The following MTURN variants were observed in gnomAD, a reference collection of about 807,000 sequenced individuals.
MTURN encodes maturin, neural progenitor differentiation regulator homolog, also known as maturin.
In MTURN, 7 loss-of-function variants were observed where a neutral mutation model predicts 14.9. That is an observed-to-expected ratio of 0.47 (90% CI 0.27 to 0.88). The LOEUF (loss-of-function observed/expected upper bound fraction) is 0.88. Among genes scored for constraint, MTURN ranks in the 40% least tolerant of loss-of-function variants. The pLI, the probability that MTURN is intolerant of heterozygous loss-of-function variation, is 0.14. For synonymous variants in MTURN, 69 were observed against 72.5 expected (o/e 0.95, Z 0.25); for missense variants, 151 against 174.1 (o/e 0.87, Z 0.75).
chr7:30,143,415 G>A (rs577677737), intron 1 of MTURN, among the ~76,000 whole-genome samples: 7 of 144,904 alleles, frequency 4.8e-5, no homozygotes, highest in African/African-American at 1.3e-4. Context: ...CTTGTATCTC[G>A]TGATACCTTG....
Position 30,157,542 on chromosome 7 carries a change from G to A in MTURN, c.390G>A (p.Gln130=). Residue 130 remains glutamine (Q), a synonymous_variant, in exon 3 of 3, where the codon CAG becomes CAA. Coordinates refer to ENST00000324453, the MANE Select transcript of MTURN (RefSeq NM_152793.3). ...EADHPQMGVS[Q]Q is the part of the protein sequence containing the mutation. ...ACCACCCCCAGATGGGGGTCAGCCA[G>A]CAGTAAATCTGGGGGCTCCCCTGAG... 2 of 1,598,614 alleles carry A rather than the reference G, an allele frequency of 1.3e-6. No homozygotes were observed. Among genetic ancestry groups the A allele is most frequent in the South Asian group, 1.1e-5 (1 of 88,856 alleles).
intron 1 of MTURN, among the ~76,000 whole-genome samples, chr7:30,136,606 G>A (rs972086140): frequency 6.6e-6 from 1 of 152,044 alleles, no homozygotes; most frequent in Non-Finnish European, 1.5e-5. Flanking sequence ...AGAGGTGAAG[G>A]CTTATGTATG....
chr7:30,150,032 A>T lies in MTURN; in HGVS notation c.285+3733A>T, dbSNP rs547547305. 4.6e-5 allele frequency among the ~76,000 whole-genome samples: 7 copies of T among 152,382 alleles called. No homozygotes were observed. The East Asian group carries it at 1.3e-3, about 29-fold the overall frequency. ...GTCTGTTGTCAGGCTACCCGGATTT[A>T]AGTCTCAGTTCTACCACTTGCTGGC... is the stretch of plus-strand genomic sequence containing the variant. On this transcript the variant is annotated intron_variant, in intron 2 of 2. Coordinates refer to ENST00000324453, the MANE Select transcript of MTURN (RefSeq NM_152793.3).
rs544100059 is a variant in MTURN, at chr7:30,154,129, G to A, written c.286-3309G>A. The stretch of plus-strand genomic sequence containing the variant: ...TTACCGTACTGACATACAGGGGAGA[G>A]AGTCCAGCAGCAGGGGCTGGGCAGG... On this transcript the variant is annotated intron_variant, in intron 2 of 2. Transcript: ENST00000324453. Among the ~76,000 whole-genome samples, 12 of 152,284 alleles carry A rather than the reference G, an allele frequency of 7.9e-5. No individual in the cohort carries two copies. The East Asian group carries it at 2.3e-3, about 29-fold the overall frequency.
intron 1 of MTURN, 190 bp from the exon 2 acceptor site, chr7:30,145,987 A>T: frequency 6.4e-7 from 1 of 1,550,660 alleles, no homozygotes; most frequent in Non-Finnish European, 8.7e-7. Context: ...GGGGGCTTCT[A>T]TAGATTAGAC....
intron 1 of MTURN, among the ~76,000 whole-genome samples, chr7:30,144,702 T>G (rs142781113): frequency 6.6e-6 from 1 of 152,268 alleles, no homozygotes; most frequent in East Asian, 1.9e-4. Flanking sequence ...TGGCACCTAG[T>G]TATTCTCATT....
intron 2 of MTURN, among the ~76,000 whole-genome samples, chr7:30,150,178 A>G (rs192062130): frequency 6.6e-6 from 1 of 152,260 alleles, no homozygotes; most frequent in Admixed American, 6.5e-5. Context: ...TTTGTTGGGT[A>G]CTCAGTGCAG....
At chr7:30,144,821 T>C (rs1797104810) in intron 1 of MTURN, among the ~76,000 whole-genome samples, 3 of 152,086 alleles carry the variant, frequency 2.0e-5, no homozygotes, top group African/African-American at 7.2e-5. Flanking sequence ...GGGGCCAGTG[T>C]GTGCTTGGCA....
chr7:30,152,154 CT>C (rs199867190), intron 2 of MTURN, among the ~76,000 whole-genome samples: 39,933 of 147,750 alleles, frequency 0.27, 5,616 homozygotes, highest in African/African-American at 0.38. Context: ...TTCTTTTTTC[CT>C]TTTTTTTTTT....
intron 1 of MTURN, among the ~76,000 whole-genome samples, chr7:30,136,992 G>C (rs1359737914): frequency 6.6e-6 from 1 of 152,130 alleles, no homozygotes; most frequent in Non-Finnish European, 1.5e-5. Flanking sequence ...CTCCAGAAGA[G>C]CCAACTGAAC....
intron 1 of MTURN, among the ~76,000 whole-genome samples, chr7:30,136,783 T>C (rs1796970207): frequency 6.6e-6 from 1 of 152,090 alleles, no homozygotes; most frequent in Non-Finnish European, 1.5e-5. Context: ...TGAGCTCAGT[T>C]TCCACATCCA....
At chr7:30,141,981 C>T (rs1797059158) in intron 1 of MTURN, among the ~76,000 whole-genome samples, 1 of 152,132 alleles carries the variant, frequency 6.6e-6, no homozygotes, top group Non-Finnish European at 1.5e-5. Context: ...CCCCTGCCAC[C>T]CCCACCCTGC....
At chr7:30,151,814 G>A (rs1797217340) in intron 2 of MTURN, among the ~76,000 whole-genome samples, 1 of 152,178 alleles carries the variant, frequency 6.6e-6, no homozygotes. Flanking sequence ...TGGGCTTGCT[G>A]TGTGACTCTG....
At chr7:30,150,724 G>T (rs62447375) in intron 2 of MTURN, among the ~76,000 whole-genome samples, 21,148 of 152,236 alleles carry the variant, frequency 0.14, 1,777 homozygotes, top group Admixed American at 0.19. Context: ...GGACCTAGAC[G>T]TGCTCAGAGC....
rs1302481272 is a variant in MTURN, at chr7:30,135,078, G to A, written c.-59G>A. ...GCCGAGCGCCGCGCTGCCCGCCCGGGAGGAGGGCGCCTAGGAGCGGGAGGG... is the reference window on the plus strand; with the variant it reads ...GCCGAGCGCCGCGCTGCCCGCCCGGAAGGAGGGCGCCTAGGAGCGGGAGGG... On this transcript the variant is annotated 5_prime_UTR_variant, in exon 1 of 3. Transcript: ENST00000324453. 3 of 1,308,538 alleles carry A rather than the reference G, an allele frequency of 2.3e-6. No individual in the cohort carries two copies. Among genetic ancestry groups the A allele is most frequent in the African/African-American group, 1.6e-5 (1 of 63,382 alleles). The allele number at this position is 1,308,538 out of a possible 1,614,324, so 81.1% of individuals were successfully genotyped here.
chr7:30,151,621 A>G (rs1033004069), intron 2 of MTURN, among the ~76,000 whole-genome samples: 1 of 152,336 alleles, frequency 6.6e-6, no homozygotes, highest in Admixed American at 6.5e-5. Context: ...GGGCTTAACA[A>G]GGAACTATTG....
chr7:30,146,529 C>G (rs1294678010), intron 2 of MTURN, among the ~76,000 whole-genome samples: 1 of 151,442 alleles, frequency 6.6e-6, no homozygotes, highest in Non-Finnish European at 1.5e-5. Context: ...TCTAGCATCA[C>G]TTGAGTTGAG....
Position 30,157,801 on chromosome 7 carries a change from A to G in MTURN, c.*253A>G, listed in dbSNP as rs1797310073. Reference sequence around the variant, plus strand: ...GTCTTGGTAGCCTTTGCCATTTTGAATTTAGAGTCCATTTTGTGGCTGACT... The same window carrying G: ...GTCTTGGTAGCCTTTGCCATTTTGAGTTTAGAGTCCATTTTGTGGCTGACT... On this transcript the variant is annotated 3_prime_UTR_variant, in exon 3 of 3. Coordinates refer to ENST00000324453, the MANE Select transcript of MTURN (RefSeq NM_152793.3). 4.3e-6 allele frequency: 1 copy of G among 235,060 alleles called. No homozygotes were observed. Among genetic ancestry groups the G allele is most frequent in the Non-Finnish European group, 8.3e-6 (1 of 120,598 alleles). 14.6% of individuals were successfully genotyped at this position (235,060 alleles called of 1,614,324 possible).
chr7:30,157,362 C>G (rs961319112), intron 2 of MTURN, 76 bp from the exon 3 acceptor site: 1 of 1,259,098 alleles, frequency 7.9e-7, no homozygotes, highest in Non-Finnish European at 1.1e-6. Flanking sequence ...AATGTGGATC[C>G]GATGCCTTTG....
Sources: gnomAD v4.1 joint callset for allele counts (sites outside exome capture counted in the v4.1 genomes callset) on GRCh38, gnomAD v4.1.1 for gene constraint, MANE v1.5 for transcripts, NCBI Gene and HGNC (gene_info 2026-07-23, HGNC 2026-07-21) for gene names.